Variants in ZBTB16 observed in about 807,000 individuals in gnomAD.
ZBTB16 encodes zinc finger and BTB domain-containing protein 16.
ZBTB16 carries 8 observed loss-of-function variants against 56.8 expected under a neutral mutation model. The observed-to-expected ratio is 0.14, with a 90% CI of 0.08 to 0.25. The LOEUF (loss-of-function observed/expected upper bound fraction) is 0.25. ZBTB16 is among the 10% of genes least tolerant of loss of function. The pLI, the probability that ZBTB16 is intolerant of heterozygous loss-of-function variation, is 1.00. For synonymous variants in ZBTB16, 363 were observed against 368.5 expected (o/e 0.98, Z 0.17); for missense variants, 625 against 903.0 (o/e 0.69, Z 3.95).
chr11:114,233,066 T>TGCGCGCGCGC lies in ZBTB16; in HGVS notation c.1454-9094_1454-9085dup, dbSNP rs71063553. Reference sequence around the variant, plus strand: ...CCACCCACTCTACTGCACATACGCATGCGCGCGCGCGCGCGCACACACACA... The same window carrying TGCGCGCGCGC: ...CCACCCACTCTACTGCACATACGCATGCGCGCGCGCGCGCGCGCGCGCGCGCACACACACA... On this transcript the variant is annotated intron_variant, in intron 4 of 6. Transcript: ENST00000335953. Among the ~76,000 whole-genome samples the TGCGCGCGCGC allele has an allele frequency of 2.5e-3, 234 of 94,274 alleles. 2 individuals carry two copies. The highest frequency in any genetic ancestry group is 6.1e-3 in the African/African-American group (159 of 25,908). The allele number at this position is 94,274 out of a possible 152,430, so 61.8% of individuals were successfully genotyped here. A position where few individuals can be genotyped will look rare whatever the true frequency, so the allele number is the denominator to read the frequency against.
chr11:114,233,081 G>A lies in ZBTB16; in HGVS notation c.1454-9086G>A, dbSNP rs1791607. 7.4e-3 allele frequency among the ~76,000 whole-genome samples: 649 copies of A among 87,494 alleles called. 9 individuals are homozygous for A. The highest frequency in any genetic ancestry group is 0.023 in the African/African-American group (532 of 22,986). The allele number at this position is 87,494 out of a possible 152,430, so 57.4% of individuals were successfully genotyped here. On this transcript the variant is annotated intron_variant, in intron 4 of 6. Coordinates refer to ENST00000335953, the MANE Select transcript of ZBTB16 (RefSeq NM_006006.6). ...CACATACGCATGCGCGCGCGCGCGCGCACACACACACACACACACACACAC... is the reference window on the plus strand; with the variant it reads ...CACATACGCATGCGCGCGCGCGCGCACACACACACACACACACACACACAC...
chr11:114,111,804 T>C (rs1377822208), intron 2 of ZBTB16, among the ~76,000 whole-genome samples: 2 of 152,260 alleles, frequency 1.3e-5, no homozygotes, highest in South Asian at 2.1e-4. Flanking sequence ...ATTAAGTTAA[T>C]CTGCAACCTA....
chr11:114,121,313 T>C (rs1270527927), intron 2 of ZBTB16, among the ~76,000 whole-genome samples: 1 of 152,136 alleles, frequency 6.6e-6, no homozygotes, highest in African/African-American at 2.4e-5. Context: ...GCAAGCCAGC[T>C]CCAGGGCACC....
At chr11:114,224,461 G>C (rs1024981470) in intron 4 of ZBTB16, among the ~76,000 whole-genome samples, 36 of 152,140 alleles carry the variant, frequency 2.4e-4, no homozygotes, top group African/African-American at 8.4e-4. Context: ...ACAGTAGCAG[G>C]GTGTGCATGA....
intron 4 of ZBTB16, among the ~76,000 whole-genome samples, chr11:114,201,952 T>A (rs966870738): frequency 1.3e-5 from 2 of 152,222 alleles, no homozygotes; most frequent in African/African-American, 4.8e-5. Context: ...GAAGGAGGAC[T>A]TCTAAAAAGA....
chr11:114,250,678 C>T lies in ZBTB16; in HGVS notation c.*123C>T. ...AAAAAAAACAGAAGGAAAAGGAAACCTGGTAGCTTTTTGGCCTTGGATTCT... is the reference window on the plus strand; with the variant it reads ...AAAAAAAACAGAAGGAAAAGGAAACTTGGTAGCTTTTTGGCCTTGGATTCT... On this transcript the variant is annotated 3_prime_UTR_variant, in exon 7 of 7. Transcript: ENST00000335953. The surrounding 1 kb of genome is among the most constrained non-coding windows in gnomAD (Gnocchi z 6.0). 1 of 1,171,022 alleles carries T rather than the reference C, an allele frequency of 8.5e-7. No individual in the cohort carries two copies. The highest frequency in any genetic ancestry group is 1.4e-5 in the South Asian group (1 of 69,766). The allele number at this position is 1,171,022 out of a possible 1,614,324, so 72.5% of individuals were successfully genotyped here.
chr11:114,232,076 G>A (rs1451756574), intron 4 of ZBTB16, among the ~76,000 whole-genome samples: 2 of 152,158 alleles, frequency 1.3e-5, no homozygotes, highest in Non-Finnish European at 2.9e-5. Flanking sequence ...GGGATGTGAA[G>A]ATCCTGGCCT....
intron 3 of ZBTB16, among the ~76,000 whole-genome samples, chr11:114,160,389 T>A (rs987388544): frequency 6.6e-6 from 1 of 152,204 alleles, no homozygotes; most frequent in African/African-American, 2.4e-5. Flanking sequence ...CTCCGGCTTG[T>A]TCTTCCTTCG....
intron 4 of ZBTB16, among the ~76,000 whole-genome samples, chr11:114,190,333 A>T (rs1470613575): frequency 6.6e-6 from 1 of 152,202 alleles, no homozygotes; most frequent in African/African-American, 2.4e-5. Flanking sequence ...TAATAAACTG[A>T]AAATGCATTT....
chr11:114,167,837 C>G (rs570190947), intron 3 of ZBTB16, among the ~76,000 whole-genome samples: 2 of 152,342 alleles, frequency 1.3e-5, no homozygotes, highest in Non-Finnish European at 2.9e-5. Flanking sequence ...AGAAAAGGCT[C>G]TAACCTGGCT....
chr11:114,179,280 T>TAGAG (rs113097570), intron 3 of ZBTB16, among the ~76,000 whole-genome samples: 46,441 of 149,514 alleles, frequency 0.31, 7,835 homozygotes, highest in African/African-American at 0.46. Flanking sequence ...GAGAGAGAGC[T>TAGAG]AGAGAGAGAG....
At chr11:114,098,045 AACTG>A in intron 2 of ZBTB16, among the ~76,000 whole-genome samples, 1 of 152,296 alleles carries the variant, frequency 6.6e-6, no homozygotes. Context: ...CTCCTCCTGC[AACTG>A]GTGGCAGATG....
chr11:114,099,967 T>C (rs190935153), intron 2 of ZBTB16, among the ~76,000 whole-genome samples: 19 of 152,300 alleles, frequency 1.2e-4, no homozygotes, highest in Admixed American at 4.6e-4. Context: ...CTCTGACGTC[T>C]AGTGGATTGC....
rs745895999 is a variant in ZBTB16, at chr11:114,095,245, C to CTT, written c.1268+30702_1268+30703dup. On this transcript the variant is annotated intron_variant, in intron 2 of 6. Coordinates refer to ENST00000335953, the MANE Select transcript of ZBTB16 (RefSeq NM_006006.6). ...TAACCAATTTCTTTTCTTTTCTTTT[C>CTT]TTTTTTTTTTTTTTTTTTTTTTTTT... 1.5e-4 allele frequency among the ~76,000 whole-genome samples: 14 copies of CTT among 90,458 alleles called. 1 individual carries two copies. The highest frequency in any genetic ancestry group is 8.7e-4 in the African/African-American group (14 of 16,140). 59.3% of individuals were successfully genotyped at this position (90,458 alleles called of 152,430 possible). A position where few individuals can be genotyped will look rare whatever the true frequency, so the allele number is the denominator to read the frequency against.
intron 4 of ZBTB16, among the ~76,000 whole-genome samples, chr11:114,201,895 C>T (rs937349857): frequency 6.6e-6 from 1 of 152,202 alleles, no homozygotes; most frequent in East Asian, 1.9e-4. Context: ...ATTAAAGTCA[C>T]TTTATAAATA....
chr11:114,203,541 A>G (rs557701312), intron 4 of ZBTB16, among the ~76,000 whole-genome samples: 2 of 152,110 alleles, frequency 1.3e-5, no homozygotes, highest in East Asian at 3.9e-4. Flanking sequence ...TAACAGAGCA[A>G]GACCCTGCCT....
At chr11:114,215,170 T>C (rs1257179051) in intron 4 of ZBTB16, among the ~76,000 whole-genome samples, 1 of 152,240 alleles carries the variant, frequency 6.6e-6, no homozygotes, top group Non-Finnish European at 1.5e-5. Flanking sequence ...ATTTTACGAA[T>C]GTTCCTTTAT....
At chr11:114,083,799 G>T (rs143360378) in intron 2 of ZBTB16, among the ~76,000 whole-genome samples, 3 of 151,380 alleles carry the variant, frequency 2.0e-5, no homozygotes, top group African/African-American at 4.9e-5. Flanking sequence ...CCGCCCCCCC[G>T]CCCCACCGCC....
chr11:114,091,370 A>C (rs1211408390), intron 2 of ZBTB16, among the ~76,000 whole-genome samples: 2 of 151,768 alleles, frequency 1.3e-5, no homozygotes, highest in African/African-American at 2.4e-5. Context: ...ACAACAACAA[A>C]AAAAGCATGT....
Sources: gnomAD v4.1 joint callset for allele counts (sites outside exome capture counted in the v4.1 genomes callset) on GRCh38, gnomAD v4.1.1 for gene constraint, Gnocchi (gnomAD v3.1) non-coding constraint, MANE v1.5 for transcripts, NCBI Gene and HGNC (gene_info 2026-07-23, HGNC 2026-07-21) for gene names.